IPCEF1: variants seen among roughly 807,000 people sequenced by gnomAD.
The protein encoded by IPCEF1 is interaction protein for cytohesin exchange factors 1, also known as interactor protein for cytohesin exchange factors 1.
In IPCEF1, 31 loss-of-function variants were observed where a neutral mutation model predicts 50.9. The observed-to-expected ratio is 0.61, with a 90% CI of 0.46 to 0.82. The LOEUF (loss-of-function observed/expected upper bound fraction) is 0.82. Ranked by LOEUF, IPCEF1 falls within the 40% of genes least tolerant of loss-of-function variation. IPCEF1 has a pLI of 0.00. For missense variants in IPCEF1, 458 were observed against 514.0 expected, an observed-to-expected ratio of 0.89 and a Z score of 1.05; for synonymous variants, 181 against 192.0, an observed-to-expected ratio of 0.94 and a Z score of 0.47.
chr6:154,201,054 C>T (rs1019995702), intron 9 of IPCEF1, among the ~76,000 whole-genome samples: 68 of 152,246 alleles, frequency 4.5e-4, no homozygotes, highest in African/African-American at 1.6e-3. Flanking sequence ...GCAGTTCCCA[C>T]CTCACTCACT....
chr6:154,178,163 T>C (rs555494707), intron 10 of IPCEF1, among the ~76,000 whole-genome samples: 100 of 151,946 alleles, frequency 6.6e-4, no homozygotes, highest in Middle Eastern at 3.4e-3. Flanking sequence ...GGGGGAGGGA[T>C]AGCGTTAGGA....
At chr6:154,230,552 C>CA (rs1779639719) in intron 5 of IPCEF1, among the ~76,000 whole-genome samples, 1 of 152,116 alleles carries the variant, frequency 6.6e-6, no homozygotes, top group South Asian at 2.1e-4. Flanking sequence ...GTCAGAAAAG[C>CA]AGAAGGGCTG....
chr6:154,257,926 C>T (rs947413744), intron 3 of IPCEF1, among the ~76,000 whole-genome samples: 1 of 152,222 alleles, frequency 6.6e-6, no homozygotes, highest in Non-Finnish European at 1.5e-5. Context: ...TGGTCTCAAA[C>T]TCCTGGCCTC....
intron 1 of IPCEF1, among the ~76,000 whole-genome samples, chr6:154,319,957 G>A (rs1032956416): frequency 6.6e-6 from 1 of 152,166 alleles, no homozygotes; most frequent in Non-Finnish European, 1.5e-5. Flanking sequence ...ATCTAGTTAA[G>A]GAGGCCAATC....
chr6:154,276,278 GAAAAGA>G (rs1020606842), intron 2 of IPCEF1, among the ~76,000 whole-genome samples: 40 of 8,926 alleles, frequency 4.5e-3, no homozygotes, highest in African/African-American at 0.011. Flanking sequence ...AGAGAAAAAA[GAAAAGA>G]AAAAAAAAGA....
chr6:154,287,587 A>T (rs868259435), intron 2 of IPCEF1, among the ~76,000 whole-genome samples: 13 of 151,978 alleles, frequency 8.6e-5, no homozygotes, highest in African/African-American at 2.9e-4. Context: ...TAAGATTCAA[A>T]CCCCAGCCCT....
intron 1 of IPCEF1, among the ~76,000 whole-genome samples, chr6:154,334,623 T>C (rs942979607): frequency 6.6e-6 from 1 of 152,200 alleles, no homozygotes; most frequent in Non-Finnish European, 1.5e-5. Flanking sequence ...AGACAACTTA[T>C]TGATGAAGGT....
chr6:154,290,308 A>C (rs1782480807), intron 1 of IPCEF1, among the ~76,000 whole-genome samples: 1 of 152,160 alleles, frequency 6.6e-6, no homozygotes, highest in Non-Finnish European at 1.5e-5. Flanking sequence ...CTGGCAGGCC[A>C]TTGCACATGC....
At chr6:154,349,578 C>A (rs1468430255) in intron 1 of IPCEF1, among the ~76,000 whole-genome samples, 2 of 151,928 alleles carry the variant, frequency 1.3e-5, no homozygotes, top group African/African-American at 4.8e-5. Flanking sequence ...CTGTGCCTGG[C>A]CTATTTTCCT....
At chr6:154,280,610 G>C (rs1232775369) in intron 2 of IPCEF1, among the ~76,000 whole-genome samples, 2 of 152,130 alleles carry the variant, frequency 1.3e-5, no homozygotes, top group Non-Finnish European at 2.9e-5. Flanking sequence ...TAAAATAATA[G>C]AGCAGCCAAA....
intron 8 of IPCEF1, 152 bp downstream of exon 8, chr6:154,214,066 G>C (rs1778186343): frequency 1.6e-6 from 1 of 643,044 alleles, no homozygotes; most frequent in African/African-American, 1.8e-5. Context: ...GTGTGAATAT[G>C]TCTGTCTCCA....
intron 3 of IPCEF1, among the ~76,000 whole-genome samples, chr6:154,254,801 A>T (rs1781422157): frequency 6.6e-6 from 1 of 152,158 alleles, no homozygotes; most frequent in Non-Finnish European, 1.5e-5. Flanking sequence ...TTTTTAATAT[A>T]ACATGATTAT....
At chr6:154,241,985 T>G (rs769425707) in intron 5 of IPCEF1, among the ~76,000 whole-genome samples, 28 of 152,222 alleles carry the variant, frequency 1.8e-4, no homozygotes, top group Non-Finnish European at 3.8e-4. Context: ...CCAGTTCTGC[T>G]ATTTACTCCT....
chr6:154,223,415 G>GAT (rs1779016994), intron 5 of IPCEF1, among the ~76,000 whole-genome samples, 172 bp from the exon 6 acceptor site: 1 of 152,210 alleles, frequency 6.6e-6, no homozygotes, highest in Non-Finnish European at 1.5e-5. Context: ...TCATGAGAAA[G>GAT]ATTAATGTTC....
rs759385017 is a variant in IPCEF1 at position 154,159,910 on chromosome 6, G to A, written c.1235C>T (p.Ser412Leu). The change falls in exon 12 of 12, where the codon TCG becomes TTG. Residue 412 changes from serine to leucine, a missense_variant. Ser to Leu is a moderately radical substitution (Grantham distance 145). Transcript: ENST00000367220. ...GTCATCAGTGTCATCAGGGGCAGGC[G>A]AAGCCCGCTGCTGCTGATAGATGTC... ...IQDIYQQQRA[S>L]PAPDDTDDTP... 66 of 1,613,618 alleles carry A rather than the reference G, an allele frequency of 4.1e-5. No homozygotes were observed. The Admixed American group carries it at 5.0e-4, about 12-fold the overall frequency.
At chr6:154,303,859 T>A (rs1233981875) in intron 1 of IPCEF1, among the ~76,000 whole-genome samples, 2 of 152,172 alleles carry the variant, frequency 1.3e-5, no homozygotes, top group Admixed American at 6.5e-5. Context: ...AGGTCAAGGC[T>A]GCAGTGAGTC....
At chr6:154,324,022 C>G (rs1361296641) in intron 1 of IPCEF1, among the ~76,000 whole-genome samples, 3 of 152,166 alleles carry the variant, frequency 2.0e-5, no homozygotes, top group Admixed American at 2.0e-4. Context: ...AGTTTTGAAG[C>G]TAAGTGATGG....
chr6:154,195,591 T>C (rs939370534), intron 10 of IPCEF1, among the ~76,000 whole-genome samples: 2 of 152,122 alleles, frequency 1.3e-5, no homozygotes, highest in African/African-American at 4.8e-5. Flanking sequence ...CACGCCTCCC[T>C]TCTCCATGTA....
At chr6:154,172,448 T>C (rs1399268592) in intron 10 of IPCEF1, among the ~76,000 whole-genome samples, 6 of 152,148 alleles carry the variant, frequency 3.9e-5, no homozygotes, top group Non-Finnish European at 5.9e-5. Context: ...ATACTGTGCT[T>C]TTCCCACAGT....
Sources: allele counts gnomAD v4.1 joint callset (sites outside exome capture counted in the v4.1 genomes callset), GRCh38; gene constraint gnomAD v4.1.1; transcripts MANE v1.5; gene names NCBI Gene and HGNC (gene_info 2026-07-23, HGNC 2026-07-21).